ZNF385D: variants seen among roughly 807,000 people sequenced by gnomAD.
ZNF385D encodes zinc finger protein 385D, also known as zinc finger protein 659.
Under a neutral mutation model 35.8 loss-of-function variants are expected in ZNF385D, and 15 were observed. The observed-to-expected ratio is 0.42, with a 90% CI of 0.28 to 0.64. The LOEUF (loss-of-function observed/expected upper bound fraction) is 0.64, where lower values mean the gene tolerates loss of function less well. ZNF385D is among the 30% of genes least tolerant of loss of function. The pLI is 0.23. For synonymous variants in ZNF385D, 212 were observed against 186.8 expected (o/e 1.13, Z -1.10); for missense variants, 474 against 494.6 (o/e 0.96, Z 0.39).
chr3:22,078,015 A>G (rs1394061742), intron 3 of ZNF385D, among the ~76,000 whole-genome samples: 1 of 151,926 alleles, frequency 6.6e-6, no homozygotes. Context: ...AAGATCATGT[A>G]TTTTTATTGG....
chr3:21,463,282 A>T (rs1033532508), intron 4 of ZNF385D, among the ~76,000 whole-genome samples: 4 of 152,334 alleles, frequency 2.6e-5, no homozygotes, highest in African/African-American at 9.6e-5. Context: ...ATAAAAAAAA[A>T]TACGTTGAAT....
chr3:22,314,619 T>C (rs533726176), intron 2 of ZNF385D, among the ~76,000 whole-genome samples: 2 of 152,068 alleles, frequency 1.3e-5, no homozygotes, highest in Non-Finnish European at 2.9e-5. Flanking sequence ...AGCAGCAGGG[T>C]TGCACTCTGG....
rs1575552964 is a variant in ZNF385D, at chr3:21,732,054, T to G, written c.22+18841A>C. Among the ~76,000 whole-genome samples, 16 of 73,674 alleles carry G rather than the reference T, an allele frequency of 2.2e-4. 2 individuals carry two copies. Among genetic ancestry groups the G allele is most frequent in the South Asian group, 1.3e-3 (3 of 2,260 alleles). 48.3% of individuals were successfully genotyped at this position (73,674 alleles called of 152,430 possible). A position where few individuals can be genotyped will look rare whatever the true frequency, so the allele number is the denominator to read the frequency against. On this transcript the variant is annotated intron_variant, in intron 1 of 7. Transcript: ENST00000281523. ...GGTTTTTTTTTTTTTTTTTTTTTTT[T>G]TTTTTTTTTTTTTTTGAGAACGGAG...
intron 2 of ZNF385D, among the ~76,000 whole-genome samples, chr3:22,350,694 G>GT (rs1187436172): frequency 6.6e-6 from 1 of 151,504 alleles, no homozygotes; most frequent in Non-Finnish European, 1.5e-5. Context: ...TTTTTTTGTT[G>GT]TTTTTTTCAC....
At position 22,053,206 on chromosome 3, in the gene ZNF385D, AAGAACT is replaced by A. The variant is rs778487151; in HGVS notation, c.325+115605_325+115610del. Among the ~76,000 whole-genome samples the A allele has an allele frequency of 6.6e-3, 593 of 90,302 alleles. 198 individuals are homozygous for A. The highest frequency in any genetic ancestry group is 0.016 in the Admixed American group (126 of 8,024). The allele number at this position is 90,302 out of a possible 152,430, so 59.2% of individuals were successfully genotyped here. On this transcript the variant is annotated intron_variant, in intron 3 of 5. Coordinates refer to the ZNF385D transcript ENST00000494108. ...GTGTGGGATATAGTCTCACAATTAA[AAGAACT>A]AGAAAAGCAAGAGCAAACACATTCA...
rs377629549 is a variant in ZNF385D at position 22,000,549 on chromosome 3, C to T, written c.325+168268G>A. Among the ~76,000 whole-genome samples, 18 of 152,066 alleles carry T rather than the reference C, an allele frequency of 1.2e-4. No homozygotes were observed. In the South Asian group the frequency reaches 3.7e-3, roughly 32 times the overall value. On this transcript the variant is annotated intron_variant, in intron 3 of 5. Transcript: ENST00000494108. ...CAACAGCCCTTGGGGGTTGCTCTGT[C>T]TATGGAATACCCATTATTTTATTCC...
At chr3:22,359,022 A>T (rs1696284542) in intron 2 of ZNF385D, among the ~76,000 whole-genome samples, 1 of 151,282 alleles carries the variant, frequency 6.6e-6, no homozygotes, top group Non-Finnish European at 1.5e-5. Flanking sequence ...GCAAAAAAGT[A>T]TACTGCCTTG....
intron 3 of ZNF385D, among the ~76,000 whole-genome samples, chr3:21,793,239 C>G (rs950907067): frequency 9.9e-5 from 15 of 152,142 alleles, no homozygotes; most frequent in African/African-American, 3.6e-4. Context: ...GCACTCTATG[C>G]TTTGGGTTCC....
intron 1 of ZNF385D, among the ~76,000 whole-genome samples, chr3:21,706,500 T>C (rs966691233): frequency 9.2e-5 from 14 of 152,138 alleles, no homozygotes; most frequent in Middle Eastern, 3.2e-3. Flanking sequence ...AAAGTGAAAA[T>C]TGTAAGAGCT....
At chr3:21,746,780 A>G (rs1362904065) in intron 1 of ZNF385D, among the ~76,000 whole-genome samples, 1 of 152,220 alleles carries the variant, frequency 6.6e-6, no homozygotes, top group African/African-American at 2.4e-5. Flanking sequence ...CACTGAAACC[A>G]CTAAAAAGGA....
intron 3 of ZNF385D, among the ~76,000 whole-genome samples, chr3:21,783,474 T>C (rs1002156514): frequency 5.9e-5 from 9 of 152,100 alleles, no homozygotes; most frequent in African/African-American, 2.2e-4. Context: ...CCATTTGATA[T>C]AATATTTTTG....
Position 21,421,343 on chromosome 3 carries a change from G to A in ZNF385D, c.1059C>T (p.Ser353=). 6.2e-7 allele frequency: 1 copy of A among 1,613,816 alleles called. No individual in the cohort carries two copies. The highest frequency in any genetic ancestry group is 8.5e-7 in the Non-Finnish European group (1 of 1,179,846). The change falls in exon 8 of 8, where the codon TCC becomes TCT. Residue 353 remains serine (S), a synonymous_variant. Coordinates refer to ENST00000281523, the MANE Select transcript of ZNF385D (RefSeq NM_024697.3). Reference sequence around the variant, plus strand: ...CTGGAGCAGTTCGAAGACTGAAGGGGGAACTCACTGCCACTGCTGCTGCGG... The same window carrying A: ...CTGGAGCAGTTCGAAGACTGAAGGGAGAACTCACTGCCACTGCTGCTGCGG... ...AAAAAAVAVS[S]PFSLRTAPAA...
chr3:22,230,419 G>T (rs1344458544), intron 2 of ZNF385D, among the ~76,000 whole-genome samples: 1 of 152,036 alleles, frequency 6.6e-6, no homozygotes, highest in Non-Finnish European at 1.5e-5. Context: ...TCCCATAAAA[G>T]GCCTACGCCT....
At chr3:21,866,661 T>C (rs143467552) in intron 3 of ZNF385D, among the ~76,000 whole-genome samples, 2 of 152,294 alleles carry the variant, frequency 1.3e-5, no homozygotes, top group East Asian at 3.9e-4. Flanking sequence ...CTGCTGGTCC[T>C]ACCACCACAC....
intron 3 of ZNF385D, among the ~76,000 whole-genome samples, chr3:21,789,638 C>T (rs1300527448): frequency 1.3e-5 from 2 of 152,082 alleles, no homozygotes; most frequent in African/African-American, 4.8e-5. Flanking sequence ...TAAAGGTAGA[C>T]ATCACTGATT....
intron 2 of ZNF385D, among the ~76,000 whole-genome samples, chr3:21,642,642 T>A (rs774174535): frequency 3.9e-5 from 6 of 152,152 alleles, no homozygotes; most frequent in Non-Finnish European, 5.9e-5. Context: ...AGACATATAT[T>A]TGCACACAAA....
Position 21,895,319 on chromosome 3 carries a change from CTTTTTTT to C in ZNF385D, c.326-230298_326-230292del, listed in dbSNP as rs34167369. ...ATGGTTGAATCACTGAAATGTGTGG[CTTTTTTT>C]TTTTTTTTTTTTTTTTTTTAAGACA... On this transcript the variant is annotated intron_variant, in intron 3 of 5. Coordinates refer to the ZNF385D transcript ENST00000494108. Among the ~76,000 whole-genome samples, 6 of 62,696 alleles carry C rather than the reference CTTTTTTT, an allele frequency of 9.6e-5. 1 individual carries two copies. The highest frequency in any genetic ancestry group is 0.015 in the Middle Eastern group (1 of 66). The allele number at this position is 62,696 out of a possible 152,430, so 41.1% of individuals were successfully genotyped here.
At chr3:21,562,973 T>C (rs2063008823) in intron 3 of ZNF385D, among the ~76,000 whole-genome samples, 1 of 152,092 alleles carries the variant, frequency 6.6e-6, no homozygotes, top group African/African-American at 2.4e-5. Flanking sequence ...CATAAAATAT[T>C]ATATGTTTGG....
At chr3:21,446,130 T>G (rs1357965483) in intron 4 of ZNF385D, among the ~76,000 whole-genome samples, 1 of 152,228 alleles carries the variant, frequency 6.6e-6, no homozygotes, top group East Asian at 1.9e-4. Context: ...TCTGAATATT[T>G]GCATTTCTAA....
Sources: allele counts gnomAD v4.1 joint callset (sites outside exome capture counted in the v4.1 genomes callset), GRCh38; gene constraint gnomAD v4.1.1; transcripts MANE v1.5; gene names NCBI Gene and HGNC (gene_info 2026-07-23, HGNC 2026-07-21).